Variants in PCDHGA3 observed in about 807,000 individuals in gnomAD.
The protein encoded by PCDHGA3 is protocadherin gamma-A3.
Under a neutral mutation model 58.5 loss-of-function variants are expected in PCDHGA3, and 40 were observed. The ratio of observed to expected loss-of-function variants is 0.68; its 90% CI spans 0.53 to 0.89. The LOEUF (loss-of-function observed/expected upper bound fraction) is 0.89, where lower values mean the gene tolerates loss of function less well. Ranked by LOEUF, PCDHGA3 falls within the 40% of genes least tolerant of loss-of-function variation. PCDHGA3 has a pLI of 0.00. For synonymous variants in PCDHGA3, 530 were observed against 525.7 expected (o/e 1.01, Z -0.11); for missense variants, 1,223 against 1,195.9 (o/e 1.02, Z -0.33).
At chr5:141,383,821 G>C in intron 1 of PCDHGA3, 1 of 1,613,922 alleles carries the variant, frequency 6.2e-7, no homozygotes, top group Non-Finnish European at 8.5e-7. Flanking sequence ...AGAAGGATTA[G>C]ATTATGAAGA....
Position 141,356,987 on chromosome 5 carries a change from G to A in PCDHGA3, c.2424+10530G>A, listed in dbSNP as rs146063218. On this transcript the variant is annotated intron_variant, in intron 1 of 3. Transcript: ENST00000253812. The stretch of plus-strand genomic sequence containing the variant: ...GTGACCAAAGTGGTGGCAGTGGACA[G>A]AGACTCAGGTCAGAATGCCTGGCTG... The A allele has an allele frequency of 5.2e-3, 8,384 of 1,614,186 alleles. 46 individuals carry two copies. Among genetic ancestry groups the A allele is most frequent in the Admixed American group, 9.4e-3 (566 of 60,032 alleles).
chr5:141,505,705 GAA>G (rs1250788277), intron 3 of PCDHGA3, among the ~76,000 whole-genome samples: 1 of 152,198 alleles, frequency 6.6e-6, no homozygotes, highest in Non-Finnish European at 1.5e-5. Flanking sequence ...AGCGAACAAG[GAA>G]AAGACTCATG....
chr5:141,354,208 C>A (rs1232635015), intron 1 of PCDHGA3, among the ~76,000 whole-genome samples: 3 of 152,106 alleles, frequency 2.0e-5, no homozygotes, highest in South Asian at 2.1e-4. Context: ...TCTAACTTTT[C>A]TTTTTATTTC....
chr5:141,373,925 G>A, intron 1 of PCDHGA3: 1 of 660,678 alleles, frequency 1.5e-6, no homozygotes, highest in Non-Finnish European at 2.3e-6. Context: ...CAAATTAGAC[G>A]GGAAAGCAGG....
intron 1 of PCDHGA3, chr5:141,356,480 AG>A: frequency 6.2e-7 from 1 of 1,613,992 alleles, no homozygotes; most frequent in South Asian, 1.1e-5. Flanking sequence ...GCCACTGACC[AG>A]GGAACTCCTC....
rs753051237 is a variant in PCDHGA3, at chr5:141,490,422, A to G, written c.2425-4385A>G. On this transcript the variant is annotated intron_variant, in intron 1 of 3. Coordinates refer to ENST00000253812, the MANE Select transcript of PCDHGA3 (RefSeq NM_018916.4). This position sits in a 1 kb window ranked among gnomAD's most constrained non-coding sequence, Gnocchi z 5.4. Reference sequence around the variant, plus strand: ...GCCTTGATATCTCTCCGGACCTGCCATTTCAGATTAAGCCTTCTGAGAACC... The same window carrying G: ...GCCTTGATATCTCTCCGGACCTGCCGTTTCAGATTAAGCCTTCTGAGAACC... 1 of 1,614,178 alleles carries G rather than the reference A, an allele frequency of 6.2e-7. No individual in the cohort carries two copies. The highest frequency in any genetic ancestry group is 1.7e-5 in the Admixed American group (1 of 60,030).
At chr5:141,383,802 A>G in intron 1 of PCDHGA3, 1 of 1,613,998 alleles carries the variant, frequency 6.2e-7, no homozygotes, top group Non-Finnish European at 8.5e-7. Context: ...CAGGAGAAAT[A>G]TCAACTTTAG....
rs187495695 is a variant in PCDHGA3, at chr5:141,486,508, T to G, written c.2425-8299T>G. The G allele has an allele frequency of 9.3e-6, 15 of 1,614,172 alleles. No homozygotes were observed. In the Admixed American group the frequency reaches 2.5e-4, roughly 27 times the overall value. The stretch of plus-strand genomic sequence containing the variant: ...CCCACAGAACTATTTTCCTCAATAT[T>G]TCAGATGTGAATGATAATCCACCCT... On this transcript the variant is annotated intron_variant, in intron 1 of 3. Coordinates refer to ENST00000253812, the MANE Select transcript of PCDHGA3 (RefSeq NM_018916.4). The surrounding 1 kb of genome is among the most constrained non-coding windows in gnomAD (Gnocchi z 5.0).
intron 1 of PCDHGA3, chr5:141,362,273 T>C: frequency 6.2e-7 from 1 of 1,614,072 alleles, no homozygotes; most frequent in African/African-American, 1.3e-5. Flanking sequence ...GCAATCTCCC[T>C]GCGCCTGCGA....
chr5:141,432,528 A>T lies in PCDHGA3; in HGVS notation c.2425-62279A>T. The T allele has an allele frequency of 1.2e-6, 2 of 1,613,804 alleles. No homozygotes were observed. The highest frequency in any genetic ancestry group is 1.7e-6 in the Non-Finnish European group (2 of 1,180,000). ...GCAGAGCCCGGCTACCTGGTGACCA[A>T]GGTGGTGGCGGTGGACAGAGACTCC... is the stretch of plus-strand genomic sequence containing the variant. On this transcript the variant is annotated intron_variant, in intron 1 of 3. Transcript: ENST00000253812. This position sits in a 1 kb window ranked among gnomAD's most constrained non-coding sequence, Gnocchi z 6.0.
intron 1 of PCDHGA3, chr5:141,439,888 A>G (rs2098137228): frequency 6.6e-6 from 1 of 152,384 alleles, no homozygotes. Context: ...TCTGGGTAGA[A>G]CCAAGGCGAC....
Position 141,357,965 on chromosome 5 carries a change from G to A in PCDHGA3, c.2424+11508G>A, listed in dbSNP as rs1265962605. Among the ~76,000 whole-genome samples, 3 of 152,122 alleles carry A rather than the reference G, an allele frequency of 2.0e-5. No homozygotes were observed. In the East Asian group the frequency reaches 5.8e-4, roughly 29 times the overall value. On this transcript the variant is annotated intron_variant, in intron 1 of 3. Coordinates refer to ENST00000253812, the MANE Select transcript of PCDHGA3 (RefSeq NM_018916.4). ...AACACTTTGGGAGTGTGAGGAGGAC[G>A]GATTGCCTGAGCTCAGGAGTTCGAG...
intron 1 of PCDHGA3, among the ~76,000 whole-genome samples, chr5:141,359,239 A>G (rs1050299402): frequency 6.6e-6 from 1 of 152,166 alleles, no homozygotes; most frequent in Non-Finnish European, 1.5e-5. Context: ...GATTGTTTAA[A>G]GTAATTAAGC....
intron 1 of PCDHGA3, among the ~76,000 whole-genome samples, chr5:141,442,945 C>G (rs1000311671): frequency 1.8e-4 from 28 of 152,150 alleles, no homozygotes; most frequent in African/African-American, 6.3e-4. Context: ...GAAACTTCCT[C>G]TCACTGCAAA....
chr5:141,370,357 C>G, intron 1 of PCDHGA3: 2 of 1,511,536 alleles, frequency 1.3e-6, no homozygotes, highest in East Asian at 2.3e-5. Flanking sequence ...AAGATCTCCT[C>G]TCCTCGGATT....
At chr5:141,360,581 G>T in intron 1 of PCDHGA3, 1 of 1,613,946 alleles carries the variant, frequency 6.2e-7, no homozygotes, top group Non-Finnish European at 8.5e-7. Flanking sequence ...ACTAAGCCAG[G>T]TACAACATTT....
At chr5:141,358,290 T>C (rs528714629) in intron 1 of PCDHGA3, among the ~76,000 whole-genome samples, 1 of 152,258 alleles carries the variant, frequency 6.6e-6, no homozygotes, top group African/African-American at 2.4e-5. Context: ...AAGGCAATTG[T>C]GTAAATTCAC....
chr5:141,505,341 A>T, intron 2 of PCDHGA3, 52 bp from the exon 3 acceptor site: 1 of 1,612,728 alleles, frequency 6.2e-7, no homozygotes, highest in Non-Finnish European at 8.5e-7. Flanking sequence ...CAGGAGGGGC[A>T]TGAGCTGTGC....
intron 1 of PCDHGA3, chr5:141,426,581 C>A: frequency 2.8e-6 from 1 of 358,468 alleles, no homozygotes. Context: ...TCTTCAAAAT[C>A]CTCTGTGTCA....
Sources: allele counts gnomAD v4.1 joint callset (sites outside exome capture counted in the v4.1 genomes callset), GRCh38; gene constraint gnomAD v4.1.1; non-coding constraint Gnocchi (gnomAD v3.1); transcripts MANE v1.5; gene names NCBI Gene and HGNC (gene_info 2026-07-23, HGNC 2026-07-21).